The following PPP1R1B variants were observed in gnomAD, a reference collection of about 807,000 sequenced individuals.
PPP1R1B encodes the protein protein phosphatase 1 regulatory inhibitor subunit 1B.
PPP1R1B carries 13 observed loss-of-function variants against 28.2 expected under a neutral mutation model. The observed-to-expected ratio is 0.46, with a 90% CI of 0.30 to 0.73. The LOEUF (loss-of-function observed/expected upper bound fraction) is 0.73, where lower values mean the gene tolerates loss of function less well. PPP1R1B is among the 30% of genes least tolerant of loss of function. The pLI is 0.07. For missense variants in PPP1R1B, 236 were observed against 256.7 expected, an observed-to-expected ratio of 0.92 and a Z score of 0.55; for synonymous variants, 102 against 97.5, an observed-to-expected ratio of 1.05 and a Z score of -0.27.
At chr17:39,627,958 G>C (rs1248522267) in intron 1 of PPP1R1B, among the ~76,000 whole-genome samples, 1 of 152,100 alleles carries the variant, frequency 6.6e-6, no homozygotes, top group African/African-American at 2.4e-5. Flanking sequence ...CTCTAATCCC[G>C]CGTGTGTGCC....
rs776449702 is a variant in PPP1R1B at position 39,633,887 on chromosome 17, G to A, written c.246G>A (p.Val82=). 8.1e-6 allele frequency: 13 copies of A among 1,613,614 alleles called. No individual in the cohort carries two copies. In the East Asian group the frequency reaches 2.9e-4, roughly 36 times the overall value. Residue 82 remains valine (V), a synonymous_variant, in exon 5 of 7, where the codon GTG becomes GTA. Transcript: ENST00000254079. Reference sequence around the variant, plus strand: ...CCTCGGTCTCCTCTGTGCCAGCTGTGCAGCGCATTGCTGAGTCTCACCTGC... The same window carrying A: ...CCTCGGTCTCCTCTGTGCCAGCTGTACAGCGCATTGCTGAGTCTCACCTGC... The part of the protein sequence containing the change: ...CAYTPPSLKA[V]QRIAESHLQS...
intron 1 of PPP1R1B, chr17:39,628,379 T>C (rs1004248232): frequency 2.8e-6 from 1 of 355,812 alleles, no homozygotes; most frequent in Non-Finnish European, 3.9e-6. Flanking sequence ...CTTTGTGCAT[T>C]TCCCTGGAGC....
intron 4 of PPP1R1B, chr17:39,633,672 A>C: frequency 1.4e-6 from 1 of 700,522 alleles, no homozygotes; most frequent in Admixed American, 3.1e-5. Context: ...TAAGAGCCAA[A>C]CATGATCAAA....
rs2056920699 is a variant in PPP1R1B at position 39,636,064 on chromosome 17, G to A, written c.*199G>A. On this transcript the variant is annotated 3_prime_UTR_variant, in exon 7 of 7. Transcript: ENST00000254079. ...TACCCAGAGAACCTGGGCACTTGCT[G>A]CCTGATGCCCACCCCTGCCAGTCAT... The A allele has an allele frequency of 6.6e-6, 4 of 602,078 alleles. No individual in the cohort carries two copies. In the Admixed American group the frequency reaches 1.2e-4, roughly 18 times the overall value. 37.3% of individuals were successfully genotyped at this position (602,078 alleles called of 1,614,324 possible). A position where few individuals can be genotyped will look rare whatever the true frequency, so the allele number is the denominator to read the frequency against.
At chr17:39,631,362 T>C (rs1231603400) in intron 4 of PPP1R1B, among the ~76,000 whole-genome samples, 1 of 152,164 alleles carries the variant, frequency 6.6e-6, no homozygotes, top group African/African-American at 2.4e-5. Flanking sequence ...GAAGAAGGTG[T>C]GCAAAGAGAA....
rs765353171 is a variant in PPP1R1B, at chr17:39,635,952, C to G, written c.*87C>G. 3 of 1,443,378 alleles carry G rather than the reference C, an allele frequency of 2.1e-6. No homozygotes were observed. Among genetic ancestry groups the G allele is most frequent in the African/African-American group, 2.8e-5 (2 of 71,198 alleles). 89.4% of individuals were successfully genotyped at this position (1,443,378 alleles called of 1,614,324 possible). A position where few individuals can be genotyped will look rare whatever the true frequency, so the allele number is the denominator to read the frequency against. ...CTCTATCCTCACCCTGTTTTGTGCT[C>G]TTCCCCTCGCCTGCTAGGGCTGCGG... On this transcript the variant is annotated 3_prime_UTR_variant, in exon 7 of 7. Coordinates refer to ENST00000254079, the MANE Select transcript of PPP1R1B (RefSeq NM_032192.4).
intron 4 of PPP1R1B, chr17:39,632,921 C>T (rs1417758524): frequency 6.6e-6 from 1 of 152,364 alleles, no homozygotes; most frequent in Non-Finnish European, 1.5e-5. Flanking sequence ...CATTCCCCAC[C>T]CCCAGCCCCT....
Position 39,636,119 on chromosome 17 carries a change from G to A in PPP1R1B, c.*254G>A, listed in dbSNP as rs552806798. On this transcript the variant is annotated 3_prime_UTR_variant, in exon 7 of 7. Coordinates refer to ENST00000254079, the MANE Select transcript of PPP1R1B (RefSeq NM_032192.4). ...CCATTCACCCAGCGGGAGGTGGGAT[G>A]TGAGACAGCCCACATTGGAAAATCC... The A allele has an allele frequency of 2.4e-5, 13 of 545,016 alleles. No homozygotes were observed. Among genetic ancestry groups the A allele is most frequent in the Admixed American group, 6.4e-5 (2 of 31,432 alleles). The allele number at this position is 545,016 out of a possible 1,614,324, so 33.8% of individuals were successfully genotyped here. A position where few individuals can be genotyped will look rare whatever the true frequency, so the allele number is the denominator to read the frequency against.
chr17:39,627,552 C>A, intron 1 of PPP1R1B, 79 bp downstream of exon 1: 1 of 940,728 alleles, frequency 1.1e-6, no homozygotes, highest in Non-Finnish European at 1.5e-6. Flanking sequence ...GGCGCTGCCC[C>A]GGCCGGACTG....
chr17:39,636,178 T>G lies in PPP1R1B; in HGVS notation c.*313T>G. The G allele has an allele frequency of 2.5e-6, 1 of 403,752 alleles. No homozygotes were observed. The highest frequency in any genetic ancestry group is 4.6e-6 in the Non-Finnish European group (1 of 215,898). The allele number at this position is 403,752 out of a possible 1,614,324, so 25.0% of individuals were successfully genotyped here. The stretch of plus-strand genomic sequence containing the variant: ...GGGAACAGGGATTTGCCCTTCACAA[T>G]TCTACTCCCCAGATCCTCTCCCCTG... On this transcript the variant is annotated 3_prime_UTR_variant, in exon 7 of 7. Coordinates refer to ENST00000254079, the MANE Select transcript of PPP1R1B (RefSeq NM_032192.4).
rs755551183 is a variant in PPP1R1B at position 39,633,905 on chromosome 17, T to C, written c.264T>C (p.Ser88=). The stretch of plus-strand genomic sequence containing the variant: ...CAGCTGTGCAGCGCATTGCTGAGTC[T>C]CACCTGCAGTCTATCAGCAATTTGA... ...SLKAVQRIAE[S]HLQSISNLNE... The change falls in exon 5 of 7, where the codon TCT becomes TCC. Residue 88 remains serine (S), a synonymous_variant. Transcript: ENST00000254079. 4 of 1,613,820 alleles carry C rather than the reference T, an allele frequency of 2.5e-6. No individual in the cohort carries two copies. Among genetic ancestry groups the C allele is most frequent in the Middle Eastern group, 1.7e-4 (1 of 6,056 alleles).
At chr17:39,629,452 A>T in intron 2 of PPP1R1B, 88 bp from the exon 3 acceptor site, 1 of 1,560,836 alleles carries the variant, frequency 6.4e-7, no homozygotes, top group Non-Finnish European at 8.8e-7. Flanking sequence ...GACCCTGGGG[A>T]AAATAACTCG....
Position 39,630,039 on chromosome 17 carries a change from C to T in PPP1R1B, c.233C>T (p.Ser78Leu), listed in dbSNP as rs922146710. The change falls in exon 4 of 7, where the codon TCG becomes TTG. Residue 78 changes from serine to leucine, a missense_variant. Coordinates refer to ENST00000254079, the MANE Select transcript of PPP1R1B (RefSeq NM_032192.4). The stretch of plus-strand genomic sequence containing the variant: ...AACCCCTGTGCCTACACACCACCTT[C>T]GCTGAAAGGTACTATACCCCCACCG... The part of the protein sequence containing the change: ...RPNPCAYTPP[S>L]LKAVQRIAES... 6 of 1,614,050 alleles carry T rather than the reference C, an allele frequency of 3.7e-6. No individual in the cohort carries two copies. Among genetic ancestry groups the T allele is most frequent in the African/African-American group, 1.3e-5 (1 of 75,062 alleles).
rs1244407066 is a variant in PPP1R1B at position 39,627,448 on chromosome 17, A to G, written c.56A>G (p.Gln19Arg). Residue 19 changes from glutamine (Q) to arginine (R), a missense_variant, in exon 1 of 7, where the codon CAG becomes CGG. Coordinates refer to ENST00000254079, the MANE Select transcript of PPP1R1B (RefSeq NM_032192.4). ...IQFSVPAPPSQLDPRQVEMIR... is the reference protein window; with the variant it reads ...IQFSVPAPPSRLDPRQVEMIR... ...TTCTCGGTGCCCGCGCCCCCTAGCC[A>G]GCTCGACCCCCGCCAGGTGGAGATG... 6.3e-7 allele frequency: 1 copy of G among 1,598,718 alleles called. No homozygotes were observed. Among genetic ancestry groups the G allele is most frequent in the South Asian group, 1.1e-5 (1 of 89,876 alleles).
Position 39,627,184 on chromosome 17 carries a change from G to C in PPP1R1B, c.-209G>C. ...GCGCGGGGGGCGAGCCCCGAGTCCC[G>C]AGAGCCTGGGGGCGCGCCCAGCCCG... On this transcript the variant is annotated 5_prime_UTR_variant, in exon 1 of 7. Coordinates refer to ENST00000254079, the MANE Select transcript of PPP1R1B (RefSeq NM_032192.4). 2.1e-6 allele frequency: 1 copy of C among 481,672 alleles called. No individual in the cohort carries two copies. Among genetic ancestry groups the C allele is most frequent in the Non-Finnish European group, 3.6e-6 (1 of 275,286 alleles). 29.8% of individuals were successfully genotyped at this position (481,672 alleles called of 1,614,324 possible).
At chr17:39,629,358 C>A (rs1597777039) in intron 2 of PPP1R1B, 128 bp downstream of exon 2, 1 of 1,272,438 alleles carries the variant, frequency 7.9e-7, no homozygotes, top group Non-Finnish European at 1.1e-6. Context: ...TCTGGGAACC[C>A]AACTCTATTG....
intron 2 of PPP1R1B, 151 bp downstream of exon 2, chr17:39,629,381 G>A: frequency 8.0e-7 from 1 of 1,251,562 alleles, no homozygotes; most frequent in Non-Finnish European, 1.2e-6. Flanking sequence ...TTTATTTATT[G>A]ACATGACACC....
At chr17:39,629,053 A>T in intron 1 of PPP1R1B, 117 bp from the exon 2 acceptor site, 1 of 920,676 alleles carries the variant, frequency 1.1e-6, no homozygotes, top group Non-Finnish European at 1.7e-6. Context: ...TTTGGCTCTG[A>T]CAGACTTTGA....
chr17:39,631,308 G>A (rs2056875668), intron 4 of PPP1R1B, among the ~76,000 whole-genome samples: 1 of 152,218 alleles, frequency 6.6e-6, no homozygotes, highest in Non-Finnish European at 1.5e-5. Context: ...AAGGATCATA[G>A]GAATTTAACA....
Sources: gnomAD v4.1 joint callset for allele counts (sites outside exome capture counted in the v4.1 genomes callset) on GRCh38, gnomAD v4.1.1 for gene constraint, MANE v1.5 for transcripts, NCBI Gene and HGNC (gene_info 2026-07-23, HGNC 2026-07-21) for gene names.